PCDHA2: variants seen among roughly 807,000 people sequenced by gnomAD.
PCDHA2 encodes the protein protocadherin alpha-2.
A neutral mutation model predicts 66.0 loss-of-function variants in PCDHA2; 58 were observed. That is an observed-to-expected ratio of 0.88 (90% CI 0.71 to 1.09). The LOEUF (loss-of-function observed/expected upper bound fraction) is 1.09, where lower values mean the gene tolerates loss of function less well. Among genes scored for constraint, PCDHA2 ranks in the 50% least tolerant of loss-of-function variants. PCDHA2 has a pLI of 0.00. For missense variants in PCDHA2, 1,267 were observed against 1,242.3 expected (o/e 1.02, Z -0.30); for synonymous variants, 634 against 554.0 (o/e 1.14, Z -2.03).
intron 1 of PCDHA2, among the ~76,000 whole-genome samples, chr5:140,879,820 T>C (rs917285977): frequency 6.6e-6 from 1 of 152,232 alleles, no homozygotes; most frequent in Non-Finnish European, 1.5e-5. Flanking sequence ...CTGTTGGTGT[T>C]CCCTGGCTTG....
intron 1 of PCDHA2, chr5:140,842,175 T>A (rs2150330904): frequency 1.2e-6 from 2 of 1,613,894 alleles, no homozygotes; most frequent in South Asian, 2.2e-5. Flanking sequence ...AATAGCCTTG[T>A]TGAAACTATG....
At chr5:140,840,903 C>A (rs933771737) in intron 1 of PCDHA2, among the ~76,000 whole-genome samples, 3 of 151,914 alleles carry the variant, frequency 2.0e-5, no homozygotes, top group Admixed American at 6.6e-5. Context: ...ACATACAGGT[C>A]ATACTTAAAT....
chr5:140,966,958 G>C (rs561982676), intron 1 of PCDHA2: 1 of 1,602,498 alleles, frequency 6.2e-7, no homozygotes, highest in South Asian at 1.1e-5. Context: ...TGGCTCGCGC[G>C]CTGGGGCTTG....
intron 1 of PCDHA2, among the ~76,000 whole-genome samples, chr5:140,838,385 A>G (rs1344951461): frequency 2.0e-5 from 3 of 151,298 alleles, no homozygotes; most frequent in Admixed American, 6.6e-5. Flanking sequence ...CAGCCTCCCA[A>G]TGTGCTGGGA....
chr5:140,856,759 C>T lies in PCDHA2; in HGVS notation c.2388+59407C>T, dbSNP rs148775418. On this transcript the variant is annotated intron_variant, in intron 1 of 3. Coordinates refer to ENST00000526136, the MANE Select transcript of PCDHA2 (RefSeq NM_018905.3). ...TCCTGGTGTTAGATGCCAATGATAA[C>T]GCCCCTATCTTTGACAGACCGGTTT... 33 of 1,596,270 alleles carry T rather than the reference C, an allele frequency of 2.1e-5. 4 individuals carry two copies. Among genetic ancestry groups the T allele is most frequent in the Non-Finnish European group, 2.6e-5 (30 of 1,166,452 alleles).
intron 1 of PCDHA2, among the ~76,000 whole-genome samples, chr5:140,926,146 G>T (rs553563976): frequency 6.6e-5 from 10 of 152,056 alleles, no homozygotes; most frequent in Non-Finnish European, 1.3e-4. Context: ...GATCCAGCGC[G>T]GAAAGCTCTG....
At chr5:140,829,503 G>C (rs2150169106) in intron 1 of PCDHA2, 4 of 1,613,554 alleles carry the variant, frequency 2.5e-6, no homozygotes, top group Non-Finnish European at 2.5e-6. Flanking sequence ...AACCCGCCGG[G>C]CTGCCACATC....
At chr5:141,004,445 T>C (rs2098166676) in intron 3 of PCDHA2, among the ~76,000 whole-genome samples, 1 of 152,206 alleles carries the variant, frequency 6.6e-6, no homozygotes. Flanking sequence ...CTGAGTCATA[T>C]AGAACCAGGA....
chr5:140,850,711 T>C (rs2150495553), intron 1 of PCDHA2: 1 of 1,597,796 alleles, frequency 6.3e-7, no homozygotes, highest in Non-Finnish European at 8.6e-7. Flanking sequence ...AAGCCGACGC[T>C]GGTGTGTTCT....
At chr5:140,806,782 T>C in intron 1 of PCDHA2, 1 of 197,052 alleles carries the variant, frequency 5.1e-6, no homozygotes, top group South Asian at 1.1e-4. Context: ...AAAACCTGTG[T>C]TGAAAAAATT....
rs782060470 is a variant in PCDHA2, at chr5:140,801,219, G to A, written c.2388+3867G>A. 2.5e-6 allele frequency: 4 copies of A among 1,607,490 alleles called. No homozygotes were observed. Among genetic ancestry groups the A allele is most frequent in the African/African-American group, 2.7e-5 (2 of 74,620 alleles). ...TGCAATGTTGTTCTCCTGGCGAGAA[G>A]ATCCTGGAGCCCAGTGCCTGCTGCT... On this transcript the variant is annotated intron_variant, in intron 1 of 3. Transcript: ENST00000526136.
intron 1 of PCDHA2, chr5:140,928,636 A>G: frequency 6.2e-7 from 1 of 1,614,206 alleles, no homozygotes; most frequent in Non-Finnish European, 8.5e-7. Context: ...CTTGGTCACA[A>G]AAGTGGTAGC....
intron 1 of PCDHA2, among the ~76,000 whole-genome samples, chr5:140,945,145 T>C (rs1310475283): frequency 2.6e-5 from 4 of 152,128 alleles, no homozygotes; most frequent in African/African-American, 2.4e-5. Flanking sequence ...CAATAGCATT[T>C]CTATACACTA....
At chr5:140,798,769 G>T (rs1419185149) in intron 1 of PCDHA2, among the ~76,000 whole-genome samples, 1 of 152,084 alleles carries the variant, frequency 6.6e-6, no homozygotes, top group Non-Finnish European at 1.5e-5. Context: ...CACTGAACTC[G>T]ACAAGTAAAT....
At chr5:140,959,281 G>T (rs1395135880) in intron 1 of PCDHA2, among the ~76,000 whole-genome samples, 2 of 152,044 alleles carry the variant, frequency 1.3e-5, no homozygotes, top group Admixed American at 1.3e-4. Context: ...GGAGCCTGAG[G>T]TGGGAGCATC....
intron 1 of PCDHA2, chr5:140,805,108 C>T (rs1763510093): frequency 2.5e-6 from 4 of 1,590,030 alleles, no homozygotes; most frequent in Non-Finnish European, 3.4e-6. Context: ...AAACTATTGT[C>T]TAACAAGACT....
intron 1 of PCDHA2, chr5:140,829,231 T>A (rs2150164314): frequency 3.7e-6 from 6 of 1,614,244 alleles, no homozygotes; most frequent in Non-Finnish European, 5.1e-6. Context: ...TCGATTCAGG[T>A]GCCAACGGGC....
chr5:140,984,359 T>A (rs1372089743), intron 3 of PCDHA2, among the ~76,000 whole-genome samples: 1 of 152,242 alleles, frequency 6.6e-6, no homozygotes, highest in Non-Finnish European at 1.5e-5. Flanking sequence ...ATTTCATACA[T>A]CTGGCCAAGT....
chr5:140,918,703 A>G (rs2153549940), intron 1 of PCDHA2, among the ~76,000 whole-genome samples: 1 of 152,306 alleles, frequency 6.6e-6, no homozygotes, highest in Non-Finnish European at 1.5e-5. Context: ...TTAAGTCATG[A>G]GGGCAGAGCC....
Sources: gnomAD v4.1 joint callset for allele counts (sites outside exome capture counted in the v4.1 genomes callset) on GRCh38, gnomAD v4.1.1 for gene constraint, MANE v1.5 for transcripts, NCBI Gene and HGNC (gene_info 2026-07-23, HGNC 2026-07-21) for gene names.